Variants in PKN2 observed in about 807,000 individuals in gnomAD.
The protein encoded by PKN2 is serine/threonine-protein kinase N2.
PKN2 carries 38 observed loss-of-function variants against 119.1 expected under a neutral mutation model. The observed-to-expected ratio is 0.32, with a 90% CI of 0.25 to 0.42. The LOEUF (loss-of-function observed/expected upper bound fraction) is 0.42, where lower values mean the gene tolerates loss of function less well. Ranked by LOEUF, PKN2 falls within the 10% of genes least tolerant of loss-of-function variation. PKN2 has a pLI of 1.00. For missense variants in PKN2, 850 were observed against 1,165.1 expected (o/e 0.73, Z 3.94); for synonymous variants, 390 against 384.9 (o/e 1.01, Z -0.15).
At chr1:88,712,795 C>CT (rs1239569707) in intron 1 of PKN2, among the ~76,000 whole-genome samples, 1 of 151,716 alleles carries the variant, frequency 6.6e-6, no homozygotes, top group African/African-American at 2.4e-5. Flanking sequence ...TTTTATTATA[C>CT]TTTAAGTTCT....
chr1:88,830,019 T>C (rs1672669508), intron 19 of PKN2, among the ~76,000 whole-genome samples: 1 of 152,212 alleles, frequency 6.6e-6, no homozygotes, highest in African/African-American at 2.4e-5. Flanking sequence ...CACTGTACTG[T>C]ATGCCTTAAA....
chr1:88,725,816 A>C (rs891181634), intron 1 of PKN2, among the ~76,000 whole-genome samples: 24 of 152,158 alleles, frequency 1.6e-4, no homozygotes, highest in African/African-American at 5.8e-4. Context: ...CCAGGTTATG[A>C]TTTTCTCCTA....
chr1:88,756,124 A>G lies in PKN2; in HGVS notation c.350-4098A>G, dbSNP rs572277285. Among the ~76,000 whole-genome samples, 13 of 151,932 alleles carry G rather than the reference A, an allele frequency of 8.6e-5. No homozygotes were observed. In the East Asian group the frequency reaches 2.5e-3, roughly 30 times the overall value. On this transcript the variant is annotated intron_variant, in intron 2 of 21. Coordinates refer to ENST00000370521, the MANE Select transcript of PKN2 (RefSeq NM_006256.4). ...ACGGGGTTTCACCATGTTGGCCAGG[A>G]TGGTCTTGATCTCCACCTGCCTCGG...
At chr1:88,707,860 A>G (rs1355579934) in intron 1 of PKN2, among the ~76,000 whole-genome samples, 2 of 152,186 alleles carry the variant, frequency 1.3e-5, no homozygotes, top group Non-Finnish European at 2.9e-5. Context: ...TCTTTATCTC[A>G]GAGCACTCTT....
intron 16 of PKN2, chr1:88,816,756 C>T (rs1379424370): frequency 6.6e-6 from 1 of 152,140 alleles, no homozygotes; most frequent in Admixed American, 6.5e-5. Flanking sequence ...AGCACAAGCC[C>T]CGCGTTTAAA....
intron 1 of PKN2, among the ~76,000 whole-genome samples, chr1:88,716,939 T>C (rs2100697010): frequency 6.6e-6 from 1 of 152,362 alleles, no homozygotes; most frequent in Non-Finnish European, 1.5e-5. Flanking sequence ...GTACCAGTTG[T>C]TCCTTTCCAT....
rs1672868291 is a variant in PKN2 at position 88,834,706 on chromosome 1, A to G, written c.*1258A>G. On this transcript the variant is annotated 3_prime_UTR_variant, in exon 22 of 22. Transcript: ENST00000370521. ...CAAAAGTCTCAAAAATAATTTGATGAAATATTTTATACAACTCTTCAAAGG... is the reference window on the plus strand; with the variant it reads ...CAAAAGTCTCAAAAATAATTTGATGGAATATTTTATACAACTCTTCAAAGG... 1 of 152,302 alleles carries G rather than the reference A, an allele frequency of 6.6e-6. No individual in the cohort carries two copies. The highest frequency in any genetic ancestry group is 2.4e-5 in the African/African-American group (1 of 41,440). 9.4% of individuals were successfully genotyped at this position (152,302 alleles called of 1,614,324 possible). A position where few individuals can be genotyped will look rare whatever the true frequency, so the allele number is the denominator to read the frequency against.
intron 1 of PKN2, among the ~76,000 whole-genome samples, chr1:88,717,348 C>T (rs1413953935): frequency 6.6e-6 from 1 of 152,110 alleles, no homozygotes; most frequent in Non-Finnish European, 1.5e-5. Context: ...GCCTGCCTTG[C>T]TAGGTTGGGG....
chr1:88,710,355 A>C (rs1368290083), intron 1 of PKN2, among the ~76,000 whole-genome samples: 1 of 152,168 alleles, frequency 6.6e-6, no homozygotes, highest in Non-Finnish European at 1.5e-5. Context: ...TTTATACTTA[A>C]TATATTGAGG....
At chr1:88,757,858 TG>T (rs1669268276) in intron 2 of PKN2, among the ~76,000 whole-genome samples, 1 of 151,696 alleles carries the variant, frequency 6.6e-6, no homozygotes, top group South Asian at 2.1e-4. Flanking sequence ...CTGGCCAAGA[TG>T]GTGAAACCCC....
At chr1:88,718,518 A>C (rs1024091607) in intron 1 of PKN2, among the ~76,000 whole-genome samples, 4 of 152,224 alleles carry the variant, frequency 2.6e-5, no homozygotes, top group African/African-American at 9.6e-5. Context: ...AATGAATGAG[A>C]TAAAAGAAGC....
At chr1:88,725,381 A>G (rs1667855733) in intron 1 of PKN2, among the ~76,000 whole-genome samples, 1 of 152,192 alleles carries the variant, frequency 6.6e-6, no homozygotes, top group Non-Finnish European at 1.5e-5. Context: ...TGTATGAGAG[A>G]TCCAGTTGGT....
chr1:88,813,935 C>T (rs1258180704), intron 16 of PKN2, among the ~76,000 whole-genome samples: 6 of 151,996 alleles, frequency 3.9e-5, no homozygotes, highest in Non-Finnish European at 8.8e-5. Flanking sequence ...CATGGATTGC[C>T]CAAAACCACA....
chr1:88,741,197 G>A lies in PKN2; in HGVS notation c.258G>A (p.Leu86=), dbSNP rs1366291726. The change falls in exon 2 of 22, where the codon TTG becomes TTA. Residue 86 remains leucine, a synonymous_variant. Transcript: ENST00000370521. ...GTTTGGCTTATGTAGACAACATTTT[G>A]AAAAAATCAAATAAAAAATTAGAAG... ...KKSLAYVDNI[L]KKSNKKLEEL... 1.2e-6 allele frequency: 2 copies of A among 1,601,592 alleles called. No individual in the cohort carries two copies. The highest frequency in any genetic ancestry group is 4.5e-5 in the East Asian group (2 of 44,700).
At position 88,833,167 on chromosome 1, in the gene PKN2, A is replaced by T. The variant is rs746216390; in HGVS notation, c.2751+10A>T. ...GCACCCATTTTTCCGGGTAAGTGTG[A>T]CTATTTAAAATTTTTTATGAAACTA... On this transcript the variant is annotated intron_variant, in intron 21 of 21. Coordinates refer to ENST00000370521, the MANE Select transcript of PKN2 (RefSeq NM_006256.4). 7 of 1,611,554 alleles carry T rather than the reference A, an allele frequency of 4.3e-6. No individual in the cohort carries two copies. In the East Asian group the frequency reaches 1.3e-4, roughly 31 times the overall value.
chr1:88,764,587 C>T (rs1347220469), intron 3 of PKN2, among the ~76,000 whole-genome samples: 1 of 152,228 alleles, frequency 6.6e-6, no homozygotes, highest in Admixed American at 6.5e-5. Context: ...GATACCGCTT[C>T]GCTGCCCATT....
intron 15 of PKN2, among the ~76,000 whole-genome samples, chr1:88,811,903 A>T (rs959591789): frequency 2.6e-5 from 4 of 152,188 alleles, no homozygotes; most frequent in Non-Finnish European, 2.9e-5. Flanking sequence ...GATCAGAAGT[A>T]TTTAGAGCAA....
intron 8 of PKN2, among the ~76,000 whole-genome samples, chr1:88,802,040 T>C (rs547160966): frequency 1.3e-5 from 2 of 152,358 alleles, no homozygotes; most frequent in East Asian, 3.9e-4. Flanking sequence ...GGGCATAAGC[T>C]GTGAGCTAAG....
chr1:88,696,554 G>A (rs185016797), intron 1 of PKN2, among the ~76,000 whole-genome samples: 181 of 152,298 alleles, frequency 1.2e-3, no homozygotes, highest in African/African-American at 4.3e-3. Context: ...ATAGACCACA[G>A]CTGACTGACT....
Sources: allele counts gnomAD v4.1 joint callset (sites outside exome capture counted in the v4.1 genomes callset), GRCh38; gene constraint gnomAD v4.1.1; transcripts MANE v1.5; gene names NCBI Gene and HGNC (gene_info 2026-07-23, HGNC 2026-07-21).